The following ATG2B variants were observed in gnomAD, a reference collection of about 807,000 sequenced individuals.
The protein encoded by ATG2B is autophagy-related protein 2 homolog B.
A neutral mutation model predicts 241.3 loss-of-function variants in ATG2B; 121 were observed. That is an observed-to-expected ratio of 0.50 (90% CI 0.43 to 0.58). The LOEUF (loss-of-function observed/expected upper bound fraction) is 0.58. ATG2B is among the 20% of genes least tolerant of loss of function. The probability of loss-of-function intolerance (pLI) is 0.00; values close to 1 mark genes in which losing one functional copy is unlikely to be tolerated. For synonymous variants in ATG2B, 858 were observed against 876.6 expected, an observed-to-expected ratio of 0.98 and a Z score of 0.37; for missense variants, 2,306 against 2,491.6, an observed-to-expected ratio of 0.93 and a Z score of 1.59.
At chr14:96,327,168 C>A (rs1465298007) in intron 14 of ATG2B, among the ~76,000 whole-genome samples, 1 of 151,718 alleles carries the variant, frequency 6.6e-6, no homozygotes, top group African/African-American at 2.4e-5. Context: ...CCAAGGGGGT[C>A]AAGACTGAAG....
In ATG2B at chr14:96,279,841, G is replaced by A. The variant is rs953451300; in HGVS notation, c.*5914C>T. 1 of 152,192 alleles carries A rather than the reference G, an allele frequency of 6.6e-6. No homozygotes were observed. The highest frequency in any genetic ancestry group is 1.5e-5 in the Non-Finnish European group (1 of 68,190). 9.4% of individuals were successfully genotyped at this position (152,192 alleles called of 1,614,324 possible). On this transcript the variant is annotated 3_prime_UTR_variant, in exon 42 of 42. Transcript: ENST00000359933. ...AGACGTCTTTGGCTGTCACAACTGG[G>A]GGAGGGGAGTTTGTTACTGGCATCC...
chr14:96,324,351 T>C (rs920701141), intron 15 of ATG2B, among the ~76,000 whole-genome samples: 2 of 152,218 alleles, frequency 1.3e-5, no homozygotes, highest in South Asian at 2.1e-4. Flanking sequence ...CTTAAATATG[T>C]ATTTTGTACC....
chr14:96,289,869 A>C lies in ATG2B; in HGVS notation c.5857-64T>G. 1 of 1,560,490 alleles carries C rather than the reference A, an allele frequency of 6.4e-7. No individual in the cohort carries two copies. The highest frequency in any genetic ancestry group is 1.4e-5 in the African/African-American group (1 of 73,832). ...AAAGTCTGAAGAGTTACGGACCAGCAGAGCACTTCCTACAGGGAGTGAGGA... is the reference window on the plus strand; with the variant it reads ...AAAGTCTGAAGAGTTACGGACCAGCCGAGCACTTCCTACAGGGAGTGAGGA... On this transcript the variant is annotated intron_variant, in intron 40 of 41. Coordinates refer to ENST00000359933, the MANE Select transcript of ATG2B (RefSeq NM_018036.7). The surrounding 1 kb of genome is among the most constrained non-coding windows in gnomAD (Gnocchi z 4.3).
intron 10 of ATG2B, among the ~76,000 whole-genome samples, chr14:96,332,034 A>C (rs1887750358): frequency 6.6e-6 from 1 of 152,146 alleles, no homozygotes; most frequent in Non-Finnish European, 1.5e-5. Context: ...CACATGATTG[A>C]CTGAGGGTCC....
At chr14:96,321,624 G>C (rs1013743203) in intron 18 of ATG2B, among the ~76,000 whole-genome samples, 1 of 152,082 alleles carries the variant, frequency 6.6e-6, no homozygotes, top group African/African-American at 2.4e-5. Flanking sequence ...CAAAATACCT[G>C]CCTGGCATAA....
chr14:96,313,623 G>A (rs1887224835), intron 23 of ATG2B, among the ~76,000 whole-genome samples, 188 bp from the exon 24 acceptor site: 1 of 152,112 alleles, frequency 6.6e-6, no homozygotes, highest in Non-Finnish European at 1.5e-5. Flanking sequence ...CATCAGAAAA[G>A]AAGGTAATGG....
At position 96,295,067 on chromosome 14, in the gene ATG2B, C is replaced by T. The variant is rs761428660; in HGVS notation, c.5319G>A (p.Gln1773=). The T allele has an allele frequency of 6.2e-7, 1 of 1,614,194 alleles. No homozygotes were observed. Among genetic ancestry groups the T allele is most frequent in the African/African-American group, 1.3e-5 (1 of 75,056 alleles). ...AATTGGCACTATCATTTTGGGAAGG[C>T]TGTTTTGGCCCAGAGAAAGAAATAA... is the stretch of plus-strand genomic sequence containing the variant. ...NLVISFSGPK[Q]PSQNDSANSV... is the part of the protein sequence containing the mutation. Residue 1773 remains glutamine, a synonymous_variant, in exon 36 of 42, where the codon CAG becomes CAA. Transcript: ENST00000359933.
At chr14:96,316,864 T>C (rs1453895785) in intron 20 of ATG2B, among the ~76,000 whole-genome samples, 181 bp from the exon 21 acceptor site, 1 of 152,228 alleles carries the variant, frequency 6.6e-6, no homozygotes, top group African/African-American at 2.4e-5. Context: ...TTAAATGCTA[T>C]GTGGAACCTC....
At chr14:96,312,262 A>C in intron 25 of ATG2B, 103 bp from the exon 26 acceptor site, 1 of 783,154 alleles carries the variant, frequency 1.3e-6, no homozygotes, top group South Asian at 1.6e-5. Flanking sequence ...TGGTATGAAC[A>C]TTGTTGAAAT....
rs143155452 is a variant in ATG2B at position 96,355,962 on chromosome 14, G to A, written c.162+6853C>T. Among the ~76,000 whole-genome samples the A allele has an allele frequency of 5.4e-3, 816 of 151,934 alleles. 27 individuals are homozygous for A. The South Asian group carries it at 0.067, about 13-fold the overall frequency. Reference sequence around the variant, plus strand: ...AGAGGCGGGGGAACACAAGATCAGGGGATGGAGACCATCCTGGCTAACATG... The same window carrying A: ...AGAGGCGGGGGAACACAAGATCAGGAGATGGAGACCATCCTGGCTAACATG... On this transcript the variant is annotated intron_variant, in intron 1 of 41. Coordinates refer to ENST00000359933, the MANE Select transcript of ATG2B (RefSeq NM_018036.7).
chr14:96,289,933 T>C lies in ATG2B; in HGVS notation c.5857-128A>G, dbSNP rs1232867521. On this transcript the variant is annotated intron_variant, in intron 40 of 41. Transcript: ENST00000359933. This position sits in a 1 kb window ranked among gnomAD's most constrained non-coding sequence, Gnocchi z 4.3. Reference sequence around the variant, plus strand: ...TCACAAACCCTAATGAAGACACTTCTGCGTATCTGAATTCTTTACCACAAG... The same window carrying C: ...TCACAAACCCTAATGAAGACACTTCCGCGTATCTGAATTCTTTACCACAAG... 2.1e-6 allele frequency: 2 copies of C among 950,218 alleles called. No individual in the cohort carries two copies. The highest frequency in any genetic ancestry group is 3.1e-6 in the Non-Finnish European group (2 of 652,528). The allele number at this position is 950,218 out of a possible 1,614,324, so 58.9% of individuals were successfully genotyped here. A position where few individuals can be genotyped will look rare whatever the true frequency, so the allele number is the denominator to read the frequency against.
intron 30 of ATG2B, 43 bp downstream of exon 30, chr14:96,306,671 T>C (rs1886958041): frequency 2.6e-6 from 4 of 1,538,224 alleles, no homozygotes; most frequent in East Asian, 2.3e-5. Flanking sequence ...TCAATTCATT[T>C]GTAACACCAT....
intron 1 of ATG2B, among the ~76,000 whole-genome samples, chr14:96,352,444 A>C (rs191715762): frequency 6.6e-6 from 1 of 152,228 alleles, no homozygotes; most frequent in African/African-American, 2.4e-5. Context: ...ACCCAGAAGA[A>C]GGCATTGTTA....
At position 96,322,783 on chromosome 14, in the gene ATG2B, G is replaced by C. The variant is rs747914972; in HGVS notation, c.2541-48C>G. On this transcript the variant is annotated intron_variant, in intron 16 of 41. Coordinates refer to ENST00000359933, the MANE Select transcript of ATG2B (RefSeq NM_018036.7). ...AAAGACCAAGATCTAAGTGTAAACA[G>C]CAAAACTTTAACTTTTGTGCAAATT... 2.6e-6 allele frequency: 4 copies of C among 1,516,784 alleles called. No homozygotes were observed. In the South Asian group the frequency reaches 4.8e-5, roughly 18 times the overall value. The allele number at this position is 1,516,784 out of a possible 1,614,324, so 94.0% of individuals were successfully genotyped here.
chr14:96,361,544 G>A (rs562856915), intron 1 of ATG2B, among the ~76,000 whole-genome samples: 1 of 152,278 alleles, frequency 6.6e-6, no homozygotes, highest in East Asian at 1.9e-4. Flanking sequence ...ATCATGGGTT[G>A]TTGAATTCAA....
intron 14 of ATG2B, among the ~76,000 whole-genome samples, chr14:96,327,352 C>CT (rs1473912467): frequency 6.6e-6 from 1 of 152,046 alleles, no homozygotes; most frequent in African/African-American, 2.4e-5. Flanking sequence ...TTCTTTTTAA[C>CT]TAAGGTTGTC....
rs948405128 is a variant in ATG2B, at chr14:96,303,116, T to C, written c.4982A>G (p.Lys1661Arg). 5.6e-6 allele frequency: 9 copies of C among 1,611,874 alleles called. No individual in the cohort carries two copies. The highest frequency in any genetic ancestry group is 7.6e-6 in the Non-Finnish European group (9 of 1,179,086). The change falls in exon 33 of 42, where the codon AAA becomes AGA. Residue 1661 changes from lysine (K) to arginine (R), a missense_variant. This residue lies in a region of ATG2B where 1,927 missense variants were observed against 2,011.2 expected (regional missense o/e 0.96). Transcript: ENST00000359933. The stretch of plus-strand genomic sequence containing the variant: ...TTTACTGCAATACAGGTATAAAAAT[T>C]TATTCATTTGTGATGTTGCCAAACG... Reference protein sequence around the residue: ...RDRLATSQMNKFLYLYCSKEM... With the variant: ...RDRLATSQMNRFLYLYCSKEM...
intron 6 of ATG2B, among the ~76,000 whole-genome samples, chr14:96,340,242 T>C (rs1444397843): frequency 7.1e-6 from 1 of 141,254 alleles, no homozygotes; most frequent in Non-Finnish European, 1.6e-5. Flanking sequence ...TGTATTTATA[T>C]ATATGGACTC....
chr14:96,348,640 C>A (rs905869305), intron 1 of ATG2B, among the ~76,000 whole-genome samples: 2 of 150,774 alleles, frequency 1.3e-5, no homozygotes, highest in Non-Finnish European at 2.9e-5. Flanking sequence ...CCACTGCACT[C>A]CAGCCTGGGC....
Sources: gnomAD v4.1 joint callset for allele counts (sites outside exome capture counted in the v4.1 genomes callset) on GRCh38, gnomAD v4.1.1 for gene constraint, gnomAD v4.1.1 regional missense constraint, Gnocchi (gnomAD v3.1) non-coding constraint, MANE v1.5 for transcripts, NCBI Gene and HGNC (gene_info 2026-07-23, HGNC 2026-07-21) for gene names.